Variants in GNAT2 observed in about 807,000 individuals in gnomAD.
GNAT2 encodes the protein guanine nucleotide-binding protein G(t) subunit alpha-2.
Under a neutral mutation model 40.9 loss-of-function variants are expected in GNAT2, and 32 were observed. That is an observed-to-expected ratio of 0.78 (90% CI 0.59 to 1.05). The LOEUF (loss-of-function observed/expected upper bound fraction) is 1.05, where lower values mean the gene tolerates loss of function less well. Ranked by LOEUF, GNAT2 falls within the 50% of genes least tolerant of loss-of-function variation. The pLI, the probability that GNAT2 is intolerant of heterozygous loss-of-function variation, is 0.00. For missense variants in GNAT2, 355 were observed against 431.5 expected (o/e 0.82, Z 1.57); for synonymous variants, 141 against 157.2 (o/e 0.90, Z 0.77).
intron 5 of GNAT2, chr1:109,608,374 C>T (rs1265507338): frequency 3.7e-6 from 2 of 538,970 alleles, no homozygotes; most frequent in East Asian, 3.4e-5. Context: ...TTGAATTTTG[C>T]ATCTTCAGCC....
intron 2 of GNAT2, chr1:109,611,011 T>C (rs916889946): frequency 5.4e-6 from 1 of 186,160 alleles, no homozygotes; most frequent in Non-Finnish European, 1.1e-5. Flanking sequence ...ACCTTGCTGG[T>C]TCCCTTTTTT....
At chr1:109,612,550 C>A in intron 2 of GNAT2, 1 of 604,786 alleles carries the variant, frequency 1.7e-6, no homozygotes. Context: ...ATAGCCTTGG[C>A]ATTCTGGATC....
chr1:109,617,695 C>A (rs1037564099), intron 1 of GNAT2: 1 of 152,238 alleles, frequency 6.6e-6, no homozygotes, highest in African/African-American at 2.4e-5. Context: ...CATAAAGGGA[C>A]TAATGAACTG....
Position 109,610,494 on chromosome 1 carries a change from T to G in GNAT2, c.132A>C (p.Ser44=). ...TCTGTTTGACGATGGTGCTCTTTCCTGACTCCCCAGCACCTGGAAGGAAAA... is the reference window on the plus strand; with the variant it reads ...TCTGTTTGACGATGGTGCTCTTTCCGGACTCCCCAGCACCTGGAAGGAAAA... The part of the protein sequence containing the change: ...VKLLLLGAGE[S]GKSTIVKQMK... Residue 44 remains serine, a synonymous_variant, in exon 3 of 9, where the codon TCA becomes TCC. Coordinates refer to ENST00000679935, the MANE Select transcript of GNAT2 (RefSeq NM_001377295.2). 1 of 1,613,880 alleles carries G rather than the reference T, an allele frequency of 6.2e-7. No homozygotes were observed. The highest frequency in any genetic ancestry group is 8.5e-7 in the Non-Finnish European group (1 of 1,179,778).
intron 4 of GNAT2, 22 bp downstream of exon 4, chr1:109,610,018 C>T (rs1649743167): frequency 1.9e-6 from 3 of 1,612,622 alleles, no homozygotes; most frequent in Non-Finnish European, 1.7e-6. Flanking sequence ...CCACCCTTAA[C>T]CACATAATAG....
At chr1:109,618,108 T>G (rs1650003583) in intron 1 of GNAT2, 1 of 152,234 alleles carries the variant, frequency 6.6e-6, no homozygotes, top group African/African-American at 2.4e-5. Context: ...GGGTATGTAT[T>G]ATAATTTCTA....
At position 109,606,323 on chromosome 1, in the gene GNAT2, T is replaced by G. The variant is rs1476759737; in HGVS notation, c.575A>C (p.Lys192Thr). The change falls in exon 6 of 9, where the codon AAA (lysine) becomes ACA (threonine). Residue 192 changes from lysine (K) to threonine (T), a missense_variant. Coordinates refer to ENST00000679935, the MANE Select transcript of GNAT2 (RefSeq NM_001377295.2). ...TGIIETKFSV[K>T]DLNFRMFDVG... ...ATGCACTTACCTGAAATTCAAGTCT[T>G]TGACGGAAAACTTGGTTTCAATGAT... 1 of 1,613,988 alleles carries G rather than the reference T, an allele frequency of 6.2e-7. No homozygotes were observed. Among genetic ancestry groups the G allele is most frequent in the Admixed American group, 1.7e-5 (1 of 60,014 alleles).
chr1:109,608,774 C>A lies in GNAT2; in HGVS notation c.318G>T (p.Gln106His). Residue 106 changes from glutamine (Q) to histidine (H), a missense_variant, in exon 5 of 9, where the codon CAG becomes CAT. Coordinates refer to ENST00000679935, the MANE Select transcript of GNAT2 (RefSeq NM_001377295.2). ...CAATGGAGTCAGCCAGGTTGTTGAG[C>A]TGTCGCCCGTCATCCTGTAATGCAG... ...AEPSCADDGR[Q>H]LNNLADSIEE... 1 of 1,614,006 alleles carries A rather than the reference C, an allele frequency of 6.2e-7. No individual in the cohort carries two copies. The highest frequency in any genetic ancestry group is 8.5e-7 in the Non-Finnish European group (1 of 1,179,842).
At chr1:109,609,603 G>A in intron 4 of GNAT2, 1 of 298,618 alleles carries the variant, frequency 3.3e-6, no homozygotes, top group Non-Finnish European at 6.5e-6. Context: ...CTGCATTCCA[G>A]CCTGGGTAAG....
At chr1:109,612,186 G>C (rs532467728) in intron 2 of GNAT2, 1 of 174,554 alleles carries the variant, frequency 5.7e-6, no homozygotes, top group African/African-American at 2.4e-5. Flanking sequence ...ATTGAATAGA[G>C]AGCCAGGAAG....
At chr1:109,611,645 AC>A (rs959910718) in intron 2 of GNAT2, 1 of 151,782 alleles carries the variant, frequency 6.6e-6, no homozygotes, top group Non-Finnish European at 1.5e-5. Context: ...AGTTTATACT[AC>A]CCTAATGCCT....
At chr1:109,612,011 C>T (rs1363817076) in intron 2 of GNAT2, 2 of 152,516 alleles carry the variant, frequency 1.3e-5, no homozygotes, top group Non-Finnish European at 2.9e-5. Flanking sequence ...GTTTGTTTTC[C>T]TAAGCCACGT....
intron 8 of GNAT2, 113 bp downstream of exon 8, chr1:109,603,838 C>A (rs1234951173): frequency 6.0e-6 from 5 of 835,998 alleles, no homozygotes; most frequent in African/African-American, 1.7e-5. Context: ...AACCCTGTAA[C>A]TGTGCCCAAG....
chr1:109,606,448 T>C lies in GNAT2; in HGVS notation c.462-12A>G, dbSNP rs1351826712. 6.2e-7 allele frequency: 1 copy of C among 1,612,098 alleles called. No homozygotes were observed. Among genetic ancestry groups the C allele is most frequent in the East Asian group, 2.2e-5 (1 of 44,878 alleles). On this transcript the variant is annotated splice_polypyrimidine_tract_variant and intron_variant, in intron 5 of 8. Transcript: ENST00000679935. ...ATTGGTTCAGGTAGCTAGAGAAAAG[T>C]GATTAGCATCAATGACAAATTTTCC...
intron 5 of GNAT2, chr1:109,607,451 CAA>C (rs35202692): frequency 3.2e-5 from 4 of 126,740 alleles, no homozygotes; most frequent in Non-Finnish European, 3.2e-5. Flanking sequence ...ACTCCGTCTC[CAA>C]AAAAAAAAAA....
In GNAT2 at chr1:109,610,163, G is replaced by T. The variant is rs1444127349; in HGVS notation, c.180C>A (p.Gly60=). ...VKQMKIIHQD[G]YSPEECLEFK... ...ACTCCAGGCATTCTTCTGGTGAATA[G>T]CCATCCTGGTGAATGATCCTGCAAG... Residue 60 remains glycine (G), a synonymous_variant, in exon 4 of 9, where the codon GGC becomes GGA. Transcript: ENST00000679935. 4.3e-6 allele frequency: 7 copies of T among 1,613,828 alleles called. No homozygotes were observed. The highest frequency in any genetic ancestry group is 5.9e-6 in the Non-Finnish European group (7 of 1,179,848).
At chr1:109,607,810 A>G (rs1217873129) in intron 5 of GNAT2, 2 of 152,250 alleles carry the variant, frequency 1.3e-5, no homozygotes, top group Non-Finnish European at 2.9e-5. Flanking sequence ...TTAGAAAGGT[A>G]CCATCTACCT....
At chr1:109,613,486 C>A in intron 1 of GNAT2, 1 of 162,730 alleles carries the variant, frequency 6.1e-6, no homozygotes, top group South Asian at 1.6e-4. Flanking sequence ...TGTTTCAGCT[C>A]CCGCAGTGGC....
chr1:109,618,825 G>A (rs950651006), intron 1 of GNAT2, among the ~76,000 whole-genome samples: 2 of 152,126 alleles, frequency 1.3e-5, no homozygotes, highest in Non-Finnish European at 2.9e-5. Flanking sequence ...AATGGAAGTG[G>A]CACCAGATGC....
Sources: gnomAD v4.1 joint callset for allele counts (sites outside exome capture counted in the v4.1 genomes callset) on GRCh38, gnomAD v4.1.1 for gene constraint, MANE v1.5 for transcripts, NCBI Gene and HGNC (gene_info 2026-07-23, HGNC 2026-07-21) for gene names.